Variants in TBX15 observed in about 807,000 individuals in gnomAD.
The protein encoded by TBX15 is T-box transcription factor TBX15.
Under a neutral mutation model 53.9 loss-of-function variants are expected in TBX15, and 18 were observed. The ratio of observed to expected loss-of-function variants is 0.33; its 90% CI spans 0.23 to 0.49. The LOEUF is 0.49. TBX15 is among the 20% of genes least tolerant of loss of function. The probability of loss-of-function intolerance (pLI) is 0.98; values close to 1 mark genes in which losing one functional copy is unlikely to be tolerated. For missense variants in TBX15, 692 were observed against 749.5 expected (o/e 0.92, Z 0.90); for synonymous variants, 295 against 278.0 (o/e 1.06, Z -0.61).
At chr1:118,979,085 G>C (rs189549877) in intron 1 of TBX15, among the ~76,000 whole-genome samples, 2 of 152,280 alleles carry the variant, frequency 1.3e-5, no homozygotes, top group Middle Eastern at 3.4e-3. Context: ...AGGATGCATC[G>C]GGACAGGACT....
At chr1:118,936,129 A>T (rs539280394) in intron 1 of TBX15, among the ~76,000 whole-genome samples, 1 of 152,264 alleles carries the variant, frequency 6.6e-6, no homozygotes, top group South Asian at 2.1e-4. Flanking sequence ...CAATTTCCTT[A>T]ATCCTTATGG....
Position 118,987,769 on chromosome 1 carries a change from G to T in TBX15, c.27C>A (p.Val9=). 1 of 1,550,176 alleles carries T rather than the reference G, an allele frequency of 6.5e-7. No homozygotes were observed. Among genetic ancestry groups the T allele is most frequent in the Non-Finnish European group, 8.7e-7 (1 of 1,146,836 alleles). MSERRRSA[V]ALSSRAHAFS... Reference sequence around the variant, plus strand: ...AGGCATGTGCTCGCGAGCTCAGGGCGACTGCAGATCTTCTCCTTTCACTCA... The same window carrying T: ...AGGCATGTGCTCGCGAGCTCAGGGCTACTGCAGATCTTCTCCTTTCACTCA... The change falls in exon 1 of 8, where the codon GTC becomes GTA. Residue 9 remains valine (V), a synonymous_variant. Transcript: ENST00000369429.
intron 1 of TBX15, among the ~76,000 whole-genome samples, chr1:118,944,940 T>C (rs1431505307): frequency 1.3e-5 from 2 of 152,220 alleles, no homozygotes; most frequent in Admixed American, 6.5e-5. Flanking sequence ...TTTCCTCTGA[T>C]GACCTGTTTC....
At chr1:118,911,986 C>T (rs754524125) in intron 6 of TBX15, among the ~76,000 whole-genome samples, 3 of 152,190 alleles carry the variant, frequency 2.0e-5, no homozygotes, top group Non-Finnish European at 4.4e-5. Context: ...TTTCTTGATG[C>T]CTTTGCAGTG....
intron 6 of TBX15, among the ~76,000 whole-genome samples, chr1:118,909,963 T>C (rs1654975668): frequency 6.6e-6 from 1 of 152,144 alleles, no homozygotes; most frequent in Admixed American, 6.5e-5. Flanking sequence ...TTTCTATGCT[T>C]CGGAGGACAT....
At chr1:118,891,786 T>C (rs1654154239) in intron 7 of TBX15, among the ~76,000 whole-genome samples, 1 of 152,132 alleles carries the variant, frequency 6.6e-6, no homozygotes, top group Non-Finnish European at 1.5e-5. Context: ...AGTTGAGAAA[T>C]GGAGTTGATG....
chr1:118,908,045 A>G (rs1016117117), intron 6 of TBX15, among the ~76,000 whole-genome samples: 8 of 152,164 alleles, frequency 5.3e-5, no homozygotes, highest in African/African-American at 1.9e-4. Flanking sequence ...CACAATTGCC[A>G]TTAATCTTTA....
At chr1:118,914,426 T>G (rs1655122294) in intron 5 of TBX15, among the ~76,000 whole-genome samples, 1 of 152,160 alleles carries the variant, frequency 6.6e-6, no homozygotes, top group Admixed American at 6.5e-5. Context: ...AACTCTCTCC[T>G]ACTCACCTTC....
intron 3 of TBX15, among the ~76,000 whole-genome samples, chr1:118,925,908 CT>C (rs5777376): frequency 0.61 from 92,248 of 150,652 alleles, 28,225 homozygotes; most frequent in East Asian, 0.79. Flanking sequence ...TAAGCCACAA[CT>C]TTTTTTTTTT....
intron 1 of TBX15, among the ~76,000 whole-genome samples, chr1:118,965,728 G>A (rs1298330091): frequency 4.6e-5 from 7 of 152,164 alleles, no homozygotes; most frequent in South Asian, 2.1e-4. Flanking sequence ...AATTCTATGA[G>A]ACTTTTAAAA....
intron 7 of TBX15, among the ~76,000 whole-genome samples, chr1:118,897,627 G>A (rs1309354994): frequency 6.6e-6 from 1 of 152,138 alleles, no homozygotes; most frequent in African/African-American, 2.4e-5. Context: ...TGAGAATACT[G>A]GCATGCAGGA....
intron 1 of TBX15, among the ~76,000 whole-genome samples, chr1:118,981,697 C>A (rs1657659365): frequency 6.6e-6 from 1 of 152,210 alleles, no homozygotes. Flanking sequence ...TCCCATTTCA[C>A]AGCGGGTCCT....
chr1:118,893,322 GA>G (rs1654230512), intron 7 of TBX15, among the ~76,000 whole-genome samples: 1 of 122,370 alleles, frequency 8.2e-6, no homozygotes, highest in Non-Finnish European at 1.6e-5. Flanking sequence ...AGGAAAGAAA[GA>G]AAGAAGAAAG....
chr1:118,923,600 T>G lies in TBX15; in HGVS notation c.697A>C (p.Ile233Leu). 1.2e-6 allele frequency: 2 copies of G among 1,613,830 alleles called. No homozygotes were observed. Among genetic ancestry groups the G allele is most frequent in the Non-Finnish European group, 1.7e-6 (2 of 1,179,778 alleles). Residue 233 changes from isoleucine to leucine, a missense_variant, in exon 5 of 8, where the codon ATT becomes CTT. Physicochemically the swap from Ile to Leu is conservative, Grantham distance 5. Transcript: ENST00000369429. ...TGGTATTTGTGCATAGAGTGCAGAA[T>G]GATCTGAAATAAAAAGGGGAATTGT... Reference protein sequence around the residue: ...NNELDDQGHIILHSMHKYQPR... With the variant: ...NNELDDQGHILLHSMHKYQPR...
Position 118,965,138 on chromosome 1 carries a change from C to T in TBX15, c.205+22453G>A, listed in dbSNP as rs75639571. 3.8e-3 allele frequency among the ~76,000 whole-genome samples: 583 copies of T among 152,294 alleles called. 3 individuals carry two copies. Among genetic ancestry groups the T allele is most frequent in the Non-Finnish European group, 6.1e-3 (412 of 68,020 alleles). ...CTGCCATTTCTTATTTACTCAACAC[C>T]TTGAAAGCCTCCGGCACTGAAGACT... is the stretch of plus-strand genomic sequence containing the variant. On this transcript the variant is annotated intron_variant, in intron 1 of 7. Transcript: ENST00000369429.
rs957526102 is a variant in TBX15 at position 118,922,510 on chromosome 1, G to C, written c.861+926C>G. Among the ~76,000 whole-genome samples the C allele has an allele frequency of 2.6e-5, 4 of 152,134 alleles. No homozygotes were observed. The East Asian group carries it at 7.7e-4, about 29-fold the overall frequency. ...GTCCTCATAGCTCTACGAGGCAGGC[G>C]CATTTTCAAGACCGGAAACACAAGT... is the stretch of plus-strand genomic sequence containing the variant. On this transcript the variant is annotated intron_variant, in intron 5 of 7. Coordinates refer to ENST00000369429, the MANE Select transcript of TBX15 (RefSeq NM_001330677.2).
At chr1:118,887,671 CAAA>C (rs200343289) in intron 7 of TBX15, among the ~76,000 whole-genome samples, 1 of 90,130 alleles carries the variant, frequency 1.1e-5, no homozygotes, top group African/African-American at 3.4e-5. Context: ...GCAAAACTCT[CAAA>C]AAAAAAAAAA....
At chr1:118,926,042 A>G (rs866260688) in intron 3 of TBX15, among the ~76,000 whole-genome samples, 2 of 152,178 alleles carry the variant, frequency 1.3e-5, no homozygotes, top group Middle Eastern at 3.2e-3. Flanking sequence ...ATAATTCTCC[A>G]TAAGTAGATA....
In TBX15 at chr1:118,969,590, C is replaced by T. The variant is rs148828949; in HGVS notation, c.205+18001G>A. Reference sequence around the variant, plus strand: ...TTCCTGGGTTGAGTCCTGGGTCAGACTCCCTTTCTAAAGAGGATACAGAAT... The same window carrying T: ...TTCCTGGGTTGAGTCCTGGGTCAGATTCCCTTTCTAAAGAGGATACAGAAT... On this transcript the variant is annotated intron_variant, in intron 1 of 7. Coordinates refer to ENST00000369429, the MANE Select transcript of TBX15 (RefSeq NM_001330677.2). Among the ~76,000 whole-genome samples the T allele has an allele frequency of 2.2e-4, 34 of 152,256 alleles. No individual in the cohort carries two copies. In the East Asian group the frequency reaches 5.4e-3, roughly 24 times the overall value.
Sources: gnomAD v4.1 joint callset for allele counts (sites outside exome capture counted in the v4.1 genomes callset) on GRCh38, gnomAD v4.1.1 for gene constraint, MANE v1.5 for transcripts, NCBI Gene and HGNC (gene_info 2026-07-23, HGNC 2026-07-21) for gene names.